Variants in MUSK observed in about 807,000 individuals in gnomAD.
MUSK encodes muscle associated receptor tyrosine kinase.
MUSK carries 55 observed loss-of-function variants against 88.7 expected under a neutral mutation model. That is an observed-to-expected ratio of 0.62 (90% CI 0.50 to 0.78). MUSK has a LOEUF of 0.78. Ranked by LOEUF, MUSK falls within the 30% of genes least tolerant of loss-of-function variation. MUSK has a pLI of 0.00. For synonymous variants in MUSK, 387 were observed against 391.9 expected, an observed-to-expected ratio of 0.99 and a Z score of 0.15; for missense variants, 1,015 against 1,074.3, an observed-to-expected ratio of 0.94 and a Z score of 0.77.
chr9:110,670,941 A>T (rs2075949135), intron 1 of MUSK, among the ~76,000 whole-genome samples: 1 of 152,112 alleles, frequency 6.6e-6, no homozygotes, highest in Admixed American at 6.5e-5. Flanking sequence ...ACATTGGTAG[A>T]AAAGAACCAC....
chr9:110,800,279 C>G (rs201143344), intron 14 of MUSK, 27 bp from the exon 15 acceptor site: 1 of 1,571,026 alleles, frequency 6.4e-7, no homozygotes, highest in Non-Finnish European at 8.7e-7. Flanking sequence ...GAAACTGAGA[C>G]TAACAGGGAT....
intron 10 of MUSK, among the ~76,000 whole-genome samples, 160 bp from the exon 11 acceptor site, chr9:110,776,472 C>G (rs1034122294): frequency 1.3e-5 from 2 of 152,152 alleles, no homozygotes; most frequent in Non-Finnish European, 2.9e-5. Context: ...GGTTTAATTT[C>G]AAAGACCCAA....
Position 110,785,665 on chromosome 9 carries a change from T to C in MUSK, c.1725T>C (p.Ile575=). Residue 575 remains isoleucine (I), a synonymous_variant, in exon 13 of 15, where the codon ATT becomes ATC. Coordinates refer to ENST00000374448, the MANE Select transcript of MUSK (RefSeq NM_005592.4). Reference sequence around the variant, plus strand: ...GCCTGGAGTATCCAAGGAATAACATTGAATATGTGAGAGACATCGGAGAGG... The same window carrying C: ...GCCTGGAGTATCCAAGGAATAACATCGAATATGTGAGAGACATCGGAGAGG... ...LLSLEYPRNN[I]EYVRDIGEGA... is the part of the protein sequence containing the mutation. The C allele has an allele frequency of 6.2e-7, 1 of 1,612,076 alleles. No individual in the cohort carries two copies. Among genetic ancestry groups the C allele is most frequent in the South Asian group, 1.1e-5 (1 of 90,736 alleles).
chr9:110,724,552 G>A (rs1587957492), intron 5 of MUSK, among the ~76,000 whole-genome samples: 1 of 151,946 alleles, frequency 6.6e-6, no homozygotes, highest in Admixed American at 6.6e-5. Context: ...TTCAAGCAGC[G>A]AGCCTCCAAT....
chr9:110,713,253 C>T (rs113934212), intron 5 of MUSK, among the ~76,000 whole-genome samples: 3 of 137,842 alleles, frequency 2.2e-5, no homozygotes, highest in Non-Finnish European at 4.7e-5. Context: ...TTCTCTTGGA[C>T]CTTTTTTTCT....
chr9:110,754,469 A>C (rs1185894856), intron 7 of MUSK, among the ~76,000 whole-genome samples: 2 of 152,168 alleles, frequency 1.3e-5, no homozygotes, highest in Non-Finnish European at 2.9e-5. Flanking sequence ...CCCCTTCCTC[A>C]TCTCCTAGCC....
chr9:110,778,044 T>C (rs919880907), intron 11 of MUSK, among the ~76,000 whole-genome samples: 6 of 152,098 alleles, frequency 3.9e-5, no homozygotes, highest in African/African-American at 1.4e-4. Context: ...CCATATTTTA[T>C]AGGGGTGTGT....
intron 5 of MUSK, among the ~76,000 whole-genome samples, chr9:110,720,632 G>A (rs914421001): frequency 1.3e-5 from 2 of 152,072 alleles, no homozygotes; most frequent in African/African-American, 4.8e-5. Flanking sequence ...TCCAGGACCA[G>A]ACAGATTCAT....
chr9:110,685,273 A>G (rs117620831), intron 2 of MUSK, among the ~76,000 whole-genome samples: 1 of 152,176 alleles, frequency 6.6e-6, no homozygotes, highest in Non-Finnish European at 1.5e-5. Context: ...ATTGATTTGC[A>G]TATGTTGAAC....
At chr9:110,767,498 T>C (rs2077502618) in intron 8 of MUSK, among the ~76,000 whole-genome samples, 1 of 152,240 alleles carries the variant, frequency 6.6e-6, no homozygotes, top group Non-Finnish European at 1.5e-5. Flanking sequence ...TTATATCAGC[T>C]TATTAACTAA....
intron 3 of MUSK, among the ~76,000 whole-genome samples, chr9:110,688,602 A>G (rs1035169685): frequency 6.6e-6 from 1 of 151,766 alleles, no homozygotes; most frequent in Non-Finnish European, 1.5e-5. Context: ...ATTCTTCTTG[A>G]TGTTCTCCCT....
chr9:110,670,249 A>G (rs2075940115), intron 1 of MUSK, among the ~76,000 whole-genome samples: 1 of 152,218 alleles, frequency 6.6e-6, no homozygotes, highest in Admixed American at 6.5e-5. Context: ...AACAGCTAAT[A>G]ATAGTCAGAA....
At chr9:110,696,277 CAA>C (rs56335634) in intron 4 of MUSK, among the ~76,000 whole-genome samples, 1 of 140,026 alleles carries the variant, frequency 7.1e-6, no homozygotes, top group African/African-American at 2.7e-5. Context: ...GACTCCATCT[CAA>C]AAAAAAAAAA....
chr9:110,693,385 T>C (rs2076383525), intron 3 of MUSK, among the ~76,000 whole-genome samples: 1 of 152,106 alleles, frequency 6.6e-6, no homozygotes, highest in Non-Finnish European at 1.5e-5. Flanking sequence ...CTTGGAAAGA[T>C]CCGTTTTATA....
intron 5 of MUSK, among the ~76,000 whole-genome samples, chr9:110,722,071 C>T (rs1382338894): frequency 6.6e-6 from 1 of 152,138 alleles, no homozygotes; most frequent in Non-Finnish European, 1.5e-5. Flanking sequence ...CCTCACCTCT[C>T]ACCTTTTACA....
At chr9:110,686,368 A>G (rs1034103560) in intron 2 of MUSK, among the ~76,000 whole-genome samples, 1 of 152,138 alleles carries the variant, frequency 6.6e-6, no homozygotes, top group Admixed American at 6.6e-5. Context: ...ATAAGGTAAC[A>G]TATTGACAGA....
chr9:110,712,126 A>G (rs1437266364), intron 5 of MUSK, among the ~76,000 whole-genome samples: 1 of 149,756 alleles, frequency 6.7e-6, no homozygotes, highest in African/African-American at 2.5e-5. Context: ...CTTGTGAATG[A>G]GTTAAATAAA....
chr9:110,691,948 A>C (rs1417085649), intron 3 of MUSK, among the ~76,000 whole-genome samples: 1 of 152,156 alleles, frequency 6.6e-6, no homozygotes, highest in Non-Finnish European at 1.5e-5. Flanking sequence ...TAGTTTTAGT[A>C]GATATCCTCT....
At chr9:110,701,686 TTTACTTTA>T (rs1564230337) in intron 5 of MUSK, among the ~76,000 whole-genome samples, 1 of 6,748 alleles carries the variant, frequency 1.5e-4, no homozygotes, top group Admixed American at 7.5e-4. Context: ...TTTTTTTTAC[TTTACTTTA>T]TTTTATTTTA....
Sources: allele counts gnomAD v4.1 joint callset (sites outside exome capture counted in the v4.1 genomes callset), GRCh38; gene constraint gnomAD v4.1.1; transcripts MANE v1.5; gene names NCBI Gene and HGNC (gene_info 2026-07-23, HGNC 2026-07-21).